The following SHKBP1 variants were observed in gnomAD, a reference collection of about 807,000 sequenced individuals.
SHKBP1 encodes SH3KBP1 binding protein 1, also known as SH3KBP1-binding protein 1.
A neutral mutation model predicts 83.9 loss-of-function variants in SHKBP1; 71 were observed. The ratio of observed to expected loss-of-function variants is 0.85; its 90% confidence interval spans 0.70 to 1.03. SHKBP1 has a LOEUF of 1.03. Among genes scored for constraint, SHKBP1 ranks in the 50% least tolerant of loss-of-function variants. SHKBP1 has a pLI of 0.00. For missense variants in SHKBP1, 824 were observed against 982.4 expected (o/e 0.84, Z 2.16); for synonymous variants, 371 against 398.0 (o/e 0.93, Z 0.81).
chr19:40,577,361 G>T (rs1255860553), intron 2 of SHKBP1, 35 bp from the exon 3 acceptor site: 1 of 1,613,802 alleles, frequency 6.2e-7, no homozygotes, highest in African/African-American at 1.3e-5. Context: ...CACTCCCCCG[G>T]CCCGTGACGC....
intron 1 of SHKBP1, 98 bp from the exon 2 acceptor site, chr19:40,577,133 G>T (rs2081221145): frequency 2.7e-6 from 4 of 1,489,054 alleles, no homozygotes. Context: ...AACGCCGGGG[G>T]AGGGGGAAGG....
At chr19:40,577,130 G>C (rs1001017502) in intron 1 of SHKBP1, 101 bp from the exon 2 acceptor site, 10 of 1,470,354 alleles carry the variant, frequency 6.8e-6, no homozygotes, top group South Asian at 6.0e-5. Context: ...AAAAACGCCG[G>C]GGGAGGGGGA....
rs753549514 is a variant in SHKBP1, at chr19:40,577,450, G to A, written c.186+9G>A. The A allele has an allele frequency of 1.3e-6, 2 of 1,567,446 alleles. No homozygotes were observed. Among genetic ancestry groups the A allele is most frequent in the Non-Finnish European group, 1.8e-6 (2 of 1,142,436 alleles). On this transcript the variant is annotated intron_variant, in intron 3 of 17. Transcript: ENST00000291842. ...AAGATGAGACCGGAGCAGTGAGTCGGACAAGAACTGAAATGGGATGGGGGG... is the reference window on the plus strand; with the variant it reads ...AAGATGAGACCGGAGCAGTGAGTCGAACAAGAACTGAAATGGGATGGGGGG...
intron 9 of SHKBP1, 108 bp downstream of exon 9, chr19:40,581,044 T>G: frequency 9.3e-7 from 1 of 1,074,172 alleles, no homozygotes; most frequent in Non-Finnish European, 1.3e-6. Flanking sequence ...TCTGCTCTAT[T>G]AGATCTGTTT....
Position 40,580,491 on chromosome 19 carries a change from T to A in SHKBP1, c.562+6T>A, listed in dbSNP as rs961922527. ...AACCCCTCCCTCACCCTCAGGTACG[T>A]TTCTATCTCGTGGAAGGTTGGGGCA... On this transcript the variant is annotated splice_donor_region_variant and intron_variant, in intron 7 of 17. Transcript: ENST00000291842. 1.9e-6 allele frequency: 3 copies of A among 1,613,316 alleles called. No individual in the cohort carries two copies. The highest frequency in any genetic ancestry group is 1.7e-5 in the Admixed American group (1 of 59,982).
At chr19:40,583,333 G>T in intron 10 of SHKBP1, 65 bp from the exon 11 acceptor site, 5 of 1,359,484 alleles carry the variant, frequency 3.7e-6, no homozygotes, top group Non-Finnish European at 4.0e-6. Flanking sequence ...CCTCTGTGAG[G>T]GGTCACCACG....
Position 40,576,924 on chromosome 19 carries a change from G to T in SHKBP1, c.25G>T (p.Glu9Ter). The part of the protein sequence containing the change: MAAAATAA[E>*]GVPSRGPPGE... Reference sequence around the variant, plus strand: ...CATGGCAGCAGCGGCTACTGCAGCCGAGGGGGTCCCCAGTCGGGGGCCTCC... The same window carrying T: ...CATGGCAGCAGCGGCTACTGCAGCCTAGGGGGTCCCCAGTCGGGGGCCTCC... The change falls in exon 1 of 18, where the codon GAG becomes TAG. Residue 9 changes from glutamate to a stop codon, truncating the protein, a stop_gained. Transcript: ENST00000291842. LOFTEE classifies it high-confidence loss of function. The T allele has an allele frequency of 6.7e-7, 1 of 1,486,242 alleles. No individual in the cohort carries two copies. Among genetic ancestry groups the T allele is most frequent in the Non-Finnish European group, 8.9e-7 (1 of 1,122,948 alleles). 92.1% of individuals were successfully genotyped at this position (1,486,242 alleles called of 1,614,324 possible).
chr19:40,582,528 A>G (rs2081278124), intron 10 of SHKBP1, 62 bp downstream of exon 10: 2 of 1,452,604 alleles, frequency 1.4e-6, no homozygotes, highest in African/African-American at 2.8e-5. Context: ...CAGACCCAGG[A>G]AGGGGTTCAC....
intron 9 of SHKBP1, among the ~76,000 whole-genome samples, chr19:40,581,523 CAAA>C (rs373552328): frequency 1.6e-5 from 1 of 63,876 alleles, no homozygotes; most frequent in Admixed American, 1.6e-4. Context: ...GACACCATCT[CAAA>C]AAAAAAAAAA....
In SHKBP1 at chr19:40,590,189, G is replaced by C. The variant is rs1034047486; in HGVS notation, c.1590-55G>C. 6.5e-5 allele frequency: 97 copies of C among 1,486,822 alleles called. No individual in the cohort carries two copies. Among genetic ancestry groups the C allele is most frequent in the Non-Finnish European group, 9.0e-6 (10 of 1,115,014 alleles). 92.1% of individuals were successfully genotyped at this position (1,486,822 alleles called of 1,614,324 possible). A position where few individuals can be genotyped will look rare whatever the true frequency, so the allele number is the denominator to read the frequency against. On this transcript the variant is annotated intron_variant, in intron 15 of 17. Transcript: ENST00000291842. The surrounding 1 kb of genome is among the most constrained non-coding windows in gnomAD (Gnocchi z 4.6). ...ACTGCAGCCACAGTGGTGGGGACTG[G>C]GACGAGGAAGGGTGAGAAAGCGAGG...
Position 40,580,424 on chromosome 19 carries a change from C to G in SHKBP1, c.501C>G (p.Asn167Lys). The change falls in exon 7 of 18, where the codon AAC (asparagine) becomes AAG (lysine). Residue 167 changes from asparagine to lysine, a missense_variant. Asn to Lys is a moderately conservative substitution (Grantham distance 94). Around this residue, in one of 3 missense-constraint regions of SHKBP1, gnomAD observed 355 missense variants for 386.4 expected, o/e 0.92. Transcript: ENST00000291842. ...PVRRSNTMPP[N>K]LGNAGLLGRM... ...GACGGAGCAACACGATGCCCCCCAA[C>G]CTTGGCAATGCAGGGCTGCTGGGCC... is the stretch of plus-strand genomic sequence containing the variant. 6.2e-7 allele frequency: 1 copy of G among 1,614,182 alleles called. No individual in the cohort carries two copies. The highest frequency in any genetic ancestry group is 8.5e-7 in the Non-Finnish European group (1 of 1,180,028).
chr19:40,590,903 GC>G lies in SHKBP1; in HGVS notation c.1892+51del. On this transcript the variant is annotated intron_variant, in intron 17 of 17. Coordinates refer to ENST00000291842, the MANE Select transcript of SHKBP1 (RefSeq NM_138392.4). This position sits in a 1 kb window ranked among gnomAD's most constrained non-coding sequence, Gnocchi z 4.6. The stretch of plus-strand genomic sequence containing the variant: ...CTGTGCAATGAGGGGAGAGGGGACA[GC>G]ATGGTGTTCCCGGGGACAGAGTGGC... 1 of 1,569,712 alleles carries G rather than the reference GC, an allele frequency of 6.4e-7. No individual in the cohort carries two copies. Among genetic ancestry groups the G allele is most frequent in the Non-Finnish European group, 8.7e-7 (1 of 1,149,402 alleles).
Position 40,586,874 on chromosome 19 carries a change from C to T in SHKBP1, c.1266C>T (p.Leu422=), listed in dbSNP as rs972394983. 6.2e-7 allele frequency: 1 copy of T among 1,613,052 alleles called. No individual in the cohort carries two copies. The highest frequency in any genetic ancestry group is 1.3e-5 in the African/African-American group (1 of 74,908). ...HPETVGSGPQ[L]FQTFTVHRSP... The stretch of plus-strand genomic sequence containing the variant: ...AGACTGTGGGCTCGGGGCCTCAGCT[C>T]TTCCAGACCTTCACTGTGCACCGCA... Residue 422 remains leucine (L), a synonymous_variant, in exon 13 of 18, where the codon CTC becomes CTT. Transcript: ENST00000291842.
chr19:40,589,419 G>C (rs1255228916), intron 15 of SHKBP1, among the ~76,000 whole-genome samples: 1 of 144,440 alleles, frequency 6.9e-6, no homozygotes, highest in African/African-American at 2.6e-5. Flanking sequence ...TGCAGGCAGG[G>C]CCAGGTTGAA....
chr19:40,580,711 C>A (rs200554435), intron 8 of SHKBP1, 35 bp from the exon 9 acceptor site: 15 of 1,613,460 alleles, frequency 9.3e-6, no homozygotes, highest in African/African-American at 1.3e-5. Flanking sequence ...GAAGGGCATG[C>A]GGTGAGGGTT....
intron 12 of SHKBP1, among the ~76,000 whole-genome samples, chr19:40,584,174 T>C (rs1026614493): frequency 1.3e-5 from 2 of 152,138 alleles, no homozygotes; most frequent in African/African-American, 2.4e-5. Flanking sequence ...TCAACAAATA[T>C]TTACTGAGTA....
Position 40,589,113 on chromosome 19 carries a change from G to A in SHKBP1, c.1524G>A (p.Val508=). The A allele has an allele frequency of 4.3e-6, 7 of 1,613,504 alleles. No individual in the cohort carries two copies. The highest frequency in any genetic ancestry group is 5.9e-6 in the Non-Finnish European group (7 of 1,180,008). Residue 508 remains valine, a synonymous_variant, in exon 15 of 18, where the codon GTG becomes GTA. Coordinates refer to ENST00000291842, the MANE Select transcript of SHKBP1 (RefSeq NM_138392.4). ...GPYGERDDQQ[V]FIQKVVPSAS... The stretch of plus-strand genomic sequence containing the variant: ...ACGGTGAGCGGGACGACCAGCAAGT[G>A]TTCATCCAGAAGGTGGTGCCCAGTG...
chr19:40,588,936 C>G, intron 14 of SHKBP1, 146 bp from the exon 15 acceptor site: 1 of 1,232,502 alleles, frequency 8.1e-7, no homozygotes, highest in Admixed American at 2.1e-5. Context: ...ACTGCCACAA[C>G]CCCCCAGCCC....
At chr19:40,580,253 T>C (rs2081256589) in intron 6 of SHKBP1, 71 bp from the exon 7 acceptor site, 9 of 1,533,784 alleles carry the variant, frequency 5.9e-6, no homozygotes, top group South Asian at 1.2e-5. Flanking sequence ...ATCACCGTCA[T>C]ATTTTAAGTG....
Sources: gnomAD v4.1 joint callset for allele counts (sites outside exome capture counted in the v4.1 genomes callset) on GRCh38, gnomAD v4.1.1 for gene constraint, gnomAD v4.1.1 regional missense constraint, Gnocchi (gnomAD v3.1) non-coding constraint, MANE v1.5 for transcripts, NCBI Gene and HGNC (gene_info 2026-07-23, HGNC 2026-07-21) for gene names.